The following CHST8 variants were observed in gnomAD, a reference collection of about 807,000 sequenced individuals.
CHST8 encodes the protein carbohydrate sulfotransferase 8.
CHST8 carries 10 observed loss-of-function variants against 15.0 expected under a neutral mutation model. The ratio of observed to expected loss-of-function variants is 0.67; its 90% CI spans 0.41 to 1.13. The LOEUF is 1.13. CHST8 is among the 50% of genes most tolerant of loss of function. The pLI, the probability that CHST8 is intolerant of heterozygous loss-of-function variation, is 0.00. For missense variants in CHST8, 634 were observed against 608.2 expected, an observed-to-expected ratio of 1.04 and a Z score of -0.45; for synonymous variants, 259 against 256.6, an observed-to-expected ratio of 1.01 and a Z score of -0.09.
At chr19:33,749,056 G>A (rs1445642727) in intron 3 of CHST8, among the ~76,000 whole-genome samples, 2 of 152,160 alleles carry the variant, frequency 1.3e-5, no homozygotes, top group Non-Finnish European at 2.9e-5. Context: ...CAGCAGCAAG[G>A]GGGGCCCCCA....
chr19:33,751,947 C>T (rs935659832), intron 3 of CHST8, among the ~76,000 whole-genome samples: 4 of 152,150 alleles, frequency 2.6e-5, no homozygotes, highest in Non-Finnish European at 4.4e-5. Context: ...GGTCAGGGAT[C>T]GGGGTAGCAG....
chr19:33,743,813 A>G (rs1974254783), intron 3 of CHST8, among the ~76,000 whole-genome samples: 1 of 138,988 alleles, frequency 7.2e-6, no homozygotes, highest in African/African-American at 2.7e-5. Flanking sequence ...TTTTTTTGAG[A>G]TGGAGTCTCA....
intron 2 of CHST8, among the ~76,000 whole-genome samples, chr19:33,678,776 C>T (rs1218490155): frequency 6.6e-6 from 1 of 152,056 alleles, no homozygotes; most frequent in East Asian, 1.9e-4. Flanking sequence ...TGGAGGTTAC[C>T]CTTTGGAAGC....
chr19:33,740,500 T>C (rs1974165059), intron 3 of CHST8, among the ~76,000 whole-genome samples: 1 of 152,206 alleles, frequency 6.6e-6, no homozygotes, highest in Non-Finnish European at 1.5e-5. Flanking sequence ...AGGGAATTCA[T>C]GGCAATAGCT....
intron 2 of CHST8, among the ~76,000 whole-genome samples, chr19:33,686,254 C>G (rs1040512212): frequency 7.9e-5 from 12 of 152,152 alleles, no homozygotes; most frequent in Non-Finnish European, 1.3e-4. Context: ...GGTCCTGGGT[C>G]TGTGTCTTCT....
intron 1 of CHST8, among the ~76,000 whole-genome samples, chr19:33,666,875 G>A (rs1161222401): frequency 6.6e-6 from 1 of 152,074 alleles, no homozygotes; most frequent in African/African-American, 2.4e-5. Context: ...GCTAATTTTA[G>A]TATTTTTAGT....
At chr19:33,688,944 G>A (rs1488460932) in intron 2 of CHST8, among the ~76,000 whole-genome samples, 1 of 152,104 alleles carries the variant, frequency 6.6e-6, no homozygotes, top group African/African-American at 2.4e-5. Flanking sequence ...TCCATGATTT[G>A]TCCAGAGGTG....
intron 3 of CHST8, among the ~76,000 whole-genome samples, chr19:33,762,356 C>A (rs995947998): frequency 6.6e-6 from 1 of 152,182 alleles, no homozygotes; most frequent in Admixed American, 6.5e-5. Flanking sequence ...ACCAGCTGAC[C>A]GGCTGACTGA....
chr19:33,698,808 A>G (rs1973273700), intron 3 of CHST8, among the ~76,000 whole-genome samples: 1 of 152,100 alleles, frequency 6.6e-6, no homozygotes, highest in Admixed American at 6.5e-5. Context: ...ATGAAGGACC[A>G]GGCAAGACAG....
chr19:33,757,526 A>AGAGAGAGAGAG lies in CHST8; in HGVS notation c.131-13887_131-13886insGAGAGAGAGAG. Among the ~76,000 whole-genome samples the AGAGAGAGAGAG allele has an allele frequency of 1.1e-4, 2 of 17,656 alleles. 1 individual carries two copies. The highest frequency in any genetic ancestry group is 2.3e-4 in the Non-Finnish European group (2 of 8,822). The allele number at this position is 17,656 out of a possible 152,430, so 11.6% of individuals were successfully genotyped here. ...AGAAAGAAAGAAAGAAAGAAAGAGA[A>AGAGAGAGAGAG]AGAAAGAAAGAAAGAAAGAAAGAAA... is the stretch of plus-strand genomic sequence containing the variant. On this transcript the variant is annotated intron_variant, in intron 3 of 4. Coordinates refer to ENST00000650847, the MANE Select transcript of CHST8 (RefSeq NM_001127895.2).
At chr19:33,725,883 G>A (rs1449315534) in intron 3 of CHST8, among the ~76,000 whole-genome samples, 3 of 152,234 alleles carry the variant, frequency 2.0e-5, no homozygotes, top group African/African-American at 7.2e-5. Context: ...TAGGTGGCTG[G>A]TATTTTGGGC....
intron 2 of CHST8, among the ~76,000 whole-genome samples, chr19:33,683,377 A>G (rs1169670945): frequency 6.6e-6 from 1 of 152,172 alleles, no homozygotes. Flanking sequence ...AAGCTCTGTG[A>G]TCTGAAATCT....
intron 3 of CHST8, among the ~76,000 whole-genome samples, chr19:33,749,714 G>A (rs1974378803): frequency 1.3e-5 from 2 of 152,140 alleles, no homozygotes; most frequent in South Asian, 2.1e-4. Flanking sequence ...CACTGTGGGT[G>A]CTAGAGGCCA....
At chr19:33,655,976 A>G (rs573241573) in intron 1 of CHST8, among the ~76,000 whole-genome samples, 1 of 152,238 alleles carries the variant, frequency 6.6e-6, no homozygotes, top group Non-Finnish European at 1.5e-5. Flanking sequence ...GTCATGTATT[A>G]TCTTTCTTCT....
At chr19:33,693,004 C>A (rs1173604264) in intron 3 of CHST8, among the ~76,000 whole-genome samples, 3 of 149,154 alleles carry the variant, frequency 2.0e-5, no homozygotes, top group African/African-American at 7.4e-5. Flanking sequence ...TTTTTTCTTT[C>A]TTTCTTTTTT....
chr19:33,730,158 T>G (rs1346391227), intron 3 of CHST8, among the ~76,000 whole-genome samples: 1 of 152,186 alleles, frequency 6.6e-6, no homozygotes, highest in Non-Finnish European at 1.5e-5. Context: ...GCAGCCTGAT[T>G]GATGCTTAAT....
At chr19:33,691,141 T>C (rs1478958036) in intron 3 of CHST8, among the ~76,000 whole-genome samples, 1 of 152,196 alleles carries the variant, frequency 6.6e-6, no homozygotes, top group Non-Finnish European at 1.5e-5. Context: ...ACTGCGCAGG[T>C]CCCTGTTGCC....
At chr19:33,665,217 A>C (rs967498302) in intron 1 of CHST8, among the ~76,000 whole-genome samples, 3 of 152,218 alleles carry the variant, frequency 2.0e-5, no homozygotes, top group African/African-American at 4.8e-5. Flanking sequence ...AACAGTGTAC[A>C]AGAGTTCCCC....
chr19:33,772,221 C>A lies in CHST8; in HGVS notation c.433C>A (p.Arg145Ser). 1 of 1,596,044 alleles carries A rather than the reference C, an allele frequency of 6.3e-7. No individual in the cohort carries two copies. The highest frequency in any genetic ancestry group is 2.3e-5 in the East Asian group (1 of 44,416). ...IRPGPGTLDG[R>S]WVSLHRSQQE... ...GCCGGGACCCGGGACGCTGGATGGC[C>A]GCTGGGTCAGCCTGCACCGGAGCCA... is the stretch of plus-strand genomic sequence containing the variant. Residue 145 changes from arginine to serine, a missense_variant, in exon 5 of 5, where the codon CGC becomes AGC. Transcript: ENST00000650847.
Sources: allele counts gnomAD v4.1 joint callset (sites outside exome capture counted in the v4.1 genomes callset), GRCh38; gene constraint gnomAD v4.1.1; transcripts MANE v1.5; gene names NCBI Gene and HGNC (gene_info 2026-07-23, HGNC 2026-07-21).